Variants in HESX1 observed in about 807,000 individuals in gnomAD.
HESX1 encodes the protein HESX homeobox 1, also known as homeobox expressed in ES cells 1.
A neutral mutation model predicts 22.5 loss-of-function variants in HESX1; 11 were observed. The observed-to-expected ratio is 0.49, with a 90% CI of 0.31 to 0.81. The LOEUF is 0.81. Ranked by LOEUF, HESX1 falls within the 30% of genes least tolerant of loss-of-function variation. HESX1 has a pLI of 0.05. For missense variants in HESX1, 201 were observed against 212.6 expected (o/e 0.95, Z 0.34); for synonymous variants, 74 against 76.5 (o/e 0.97, Z 0.17).
intron 1 of HESX1, among the ~76,000 whole-genome samples, chr3:57,224,730 G>A (rs2060633034): frequency 6.6e-6 from 1 of 152,122 alleles, no homozygotes; most frequent in Non-Finnish European, 1.5e-5. Flanking sequence ...TTGGGTTATT[G>A]GATTCTTTCC....
At chr3:57,210,603 G>A (rs28464263) in intron 1 of HESX1, among the ~76,000 whole-genome samples, 10,712 of 152,170 alleles carry the variant, frequency 0.07, 1,264 homozygotes, top group African/African-American at 0.24. Flanking sequence ...TTACTGCAAT[G>A]CCTTCAGTGT....
chr3:57,205,324 C>T (rs1209018890), intron 1 of HESX1, among the ~76,000 whole-genome samples: 2 of 152,154 alleles, frequency 1.3e-5, no homozygotes, highest in Admixed American at 1.3e-4. Context: ...GTGGGAGGAT[C>T]GCTTGAGCCC....
rs1330489602 is a variant in HESX1 at position 57,198,423 on chromosome 3, G to A, written c.427C>T (p.Gln143Ter). 6.2e-7 allele frequency: 1 copy of A among 1,607,416 alleles called. No individual in the cohort carries two copies. Among genetic ancestry groups the A allele is most frequent in the South Asian group, 1.1e-5 (1 of 90,868 alleles). The change falls in exon 3 of 4, where the codon CAA (glutamine) becomes TAA (stop). Residue 143 changes from glutamine to a stop codon, truncating the protein, a stop_gained. Coordinates refer to ENST00000295934, the MANE Select transcript of HESX1 (RefSeq NM_003865.3). LOFTEE classifies it high-confidence loss of function. ...PGIDIREDLA[Q>*]KLNLEEDRIQ... ...CTGTCTTCCTCTAGATTCAATTTTT[G>A]AGCTAAGTCTTCTCTAATATCGATA... is the stretch of plus-strand genomic sequence containing the variant.
upstream of HESX1, among the ~76,000 whole-genome samples, chr3:57,227,348 A>G (rs1440293554): frequency 2.0e-5 from 3 of 152,178 alleles, no homozygotes; most frequent in Non-Finnish European, 2.9e-5. Flanking sequence ...CTTCGAGCGG[A>G]GTTGGGAATG....
chr3:57,202,972 T>C (rs888457674), upstream of HESX1, among the ~76,000 whole-genome samples: 1 of 152,002 alleles, frequency 6.6e-6, no homozygotes, highest in African/African-American at 2.4e-5. Flanking sequence ...AAGAAGGCAG[T>C]AGTTGGAGTG....
In HESX1 at chr3:57,211,257, A is replaced by G. The variant is rs138157760; in HGVS notation, c.-110-11229T>C. 5.9e-3 allele frequency among the ~76,000 whole-genome samples: 894 copies of G among 151,126 alleles called. 9 individuals are homozygous for G. The highest frequency in any genetic ancestry group is 0.021 in the African/African-American group (869 of 41,164). Reference sequence around the variant, plus strand: ...AAAATCTGAGTCTAGGCCAGGTGCCATAGCTCATGCCTATAATCCAAGCAC... The same window carrying G: ...AAAATCTGAGTCTAGGCCAGGTGCCGTAGCTCATGCCTATAATCCAAGCAC... On this transcript the variant is annotated intron_variant, in intron 1 of 2. Coordinates refer to the HESX1 transcript ENST00000495160.
At chr3:57,227,377 A>G (rs115396477), upstream of HESX1, among the ~76,000 whole-genome samples, 955 of 152,346 alleles carry the variant, frequency 6.3e-3, 10 homozygotes, top group African/African-American at 0.021. Context: ...TGAGGAAACT[A>G]AAAGGCGCCA....
intron 1 of HESX1, among the ~76,000 whole-genome samples, chr3:57,223,336 G>T (rs1189108712): frequency 7.2e-5 from 11 of 152,054 alleles, no homozygotes; most frequent in Admixed American, 7.2e-4. Context: ...CTTCTAAAAA[G>T]GAATCAAGGC....
chr3:57,218,957 G>T (rs2060599681), intron 1 of HESX1, among the ~76,000 whole-genome samples: 1 of 152,088 alleles, frequency 6.6e-6, no homozygotes, highest in African/African-American at 2.4e-5. Flanking sequence ...TGGGTTGAAT[G>T]GTAGTTCTGT....
At chr3:57,199,643 T>C in intron 1 of HESX1, 119 bp downstream of exon 1, 2 of 565,588 alleles carry the variant, frequency 3.5e-6, no homozygotes, top group Non-Finnish European at 5.1e-6. Flanking sequence ...AAATAATAAA[T>C]AATAATAATA....
upstream of HESX1, among the ~76,000 whole-genome samples, chr3:57,227,571 A>AC (rs887361681): frequency 9.9e-5 from 15 of 152,196 alleles, no homozygotes; most frequent in African/African-American, 3.6e-4. Flanking sequence ...CCCAGGGCAG[A>AC]CACTGCCACC....
upstream of HESX1, among the ~76,000 whole-genome samples, chr3:57,226,984 T>C (rs1379397623): frequency 6.6e-6 from 1 of 152,216 alleles, no homozygotes; most frequent in East Asian, 1.9e-4. Flanking sequence ...GCTAAAACTA[T>C]TTAACGCTTC....
At position 57,198,218 on chromosome 3, in the gene HESX1, G is replaced by T; in HGVS notation, c.537C>A (p.Phe179Leu). ...CTATCTATTCCAGCAGATTTGTGTTGAAATTTTTTTTCGCCATTAGAAACT... is the reference window on the plus strand; with the variant it reads ...CTATCTATTCCAGCAGATTTGTGTTTAAATTTTTTTTCGCCATTAGAAACT... ...ESQFLMAKKN[F>L]NTNLLE Residue 179 changes from phenylalanine to leucine, a missense_variant, in exon 4 of 4, where the codon TTC (phenylalanine) becomes TTA (leucine). Physicochemically the swap from Phe to Leu is conservative, Grantham distance 22. Coordinates refer to ENST00000295934, the MANE Select transcript of HESX1 (RefSeq NM_003865.3). The T allele has an allele frequency of 6.2e-7, 1 of 1,610,606 alleles. No individual in the cohort carries two copies. The highest frequency in any genetic ancestry group is 8.5e-7 in the Non-Finnish European group (1 of 1,177,188).
chr3:57,222,941 T>A (rs910965381), intron 1 of HESX1, among the ~76,000 whole-genome samples: 3 of 152,100 alleles, frequency 2.0e-5, no homozygotes, highest in African/African-American at 4.8e-5. Context: ...TATTAGTTTT[T>A]AAAAAAATAT....
chr3:57,225,634 C>T (rs1036324987), intron 1 of HESX1, among the ~76,000 whole-genome samples: 6 of 152,144 alleles, frequency 3.9e-5, no homozygotes, highest in Non-Finnish European at 5.9e-5. Context: ...AGCCCCACCG[C>T]GCCCAGCCTG....
upstream of HESX1, among the ~76,000 whole-genome samples, chr3:57,201,869 CTATCTATATCTA>C (rs1171881192): frequency 1.4e-5 from 2 of 140,602 alleles, no homozygotes; most frequent in East Asian, 2.0e-4. Flanking sequence ...CTATATCTAT[CTATCTATATCTA>C]TCTATCTATC....
upstream of HESX1, among the ~76,000 whole-genome samples, chr3:57,201,978 G>T (rs533952575): frequency 6.6e-6 from 1 of 151,872 alleles, no homozygotes; most frequent in South Asian, 2.1e-4. Flanking sequence ...GAGTGCAGTG[G>T]TGTGATCTCG....
chr3:57,219,294 T>C (rs2060601376), intron 1 of HESX1, among the ~76,000 whole-genome samples: 1 of 152,146 alleles, frequency 6.6e-6, no homozygotes, highest in East Asian at 1.9e-4. Flanking sequence ...TCAATGATAT[T>C]GGGTTATTTT....
chr3:57,213,852 C>T (rs992104605), intron 1 of HESX1, among the ~76,000 whole-genome samples: 7 of 152,072 alleles, frequency 4.6e-5, no homozygotes, highest in Non-Finnish European at 5.9e-5. Context: ...ACCTAGGAGG[C>T]GGAGGTTGCA....
Sources: gnomAD v4.1 joint callset for allele counts (sites outside exome capture counted in the v4.1 genomes callset) on GRCh38, gnomAD v4.1.1 for gene constraint, MANE v1.5 for transcripts, NCBI Gene and HGNC (gene_info 2026-07-23, HGNC 2026-07-21) for gene names.